Variants in BLTP2 observed in about 807,000 individuals in gnomAD.
BLTP2 encodes the protein bridge-like lipid transfer protein family member 2, also known as U937-associated antigen.
At chr17:28,634,768 C>T in the BLTP2 span, 9 of 1,614,036 alleles carry the variant, frequency 5.6e-6, no homozygotes, top group Non-Finnish European at 7.6e-6. Context: ...AATGTTTTTG[C>T]GTTCCAAAGA....
At chr17:28,645,133 C>G in the BLTP2 span, 2 of 1,239,390 alleles carry the variant, frequency 1.6e-6, no homozygotes, top group Non-Finnish European at 2.1e-6. Context: ...GCAGCACCGC[C>G]GCGGGCCGAC....
the BLTP2 span, chr17:28,642,467 C>T: frequency 7.0e-5 from 50 of 717,748 alleles, no homozygotes; most frequent in South Asian, 2.5e-4. Context: ...CTGACTAACA[C>T]GGTGAAACCT....
chr17:28,632,233 G>A, the BLTP2 span: 2 of 1,595,886 alleles, frequency 1.3e-6, no homozygotes, highest in African/African-American at 1.3e-5. Flanking sequence ...TCGGGGCTGG[G>A]ATATTGCTGC....
the BLTP2 span, chr17:28,640,371 C>A: frequency 1.7e-6 from 1 of 597,014 alleles, no homozygotes; most frequent in Non-Finnish European, 2.8e-6. Flanking sequence ...CCAGCCTGGG[C>A]AACAGAGCAA....
At chr17:28,633,412 C>T in the BLTP2 span, 1 of 1,608,492 alleles carries the variant, frequency 6.2e-7, no homozygotes, top group Non-Finnish European at 8.5e-7. Context: ...CTATGACCAC[C>T]CCCGAGAATT....
At chr17:28,624,656 G>A in the BLTP2 span, among the ~76,000 whole-genome samples, 4 of 151,844 alleles carry the variant, frequency 2.6e-5, no homozygotes, top group Non-Finnish European at 5.9e-5. Flanking sequence ...TTTCTCTTAG[G>A]TATTACTCTA....
the BLTP2 span, among the ~76,000 whole-genome samples, chr17:28,618,090 G>A: frequency 4.6e-5 from 7 of 151,496 alleles, no homozygotes; most frequent in African/African-American, 1.5e-4. Context: ...GCACCACCAC[G>A]CCTGGCTAAT....
At chr17:28,642,451 A>G in the BLTP2 span, 1 of 805,222 alleles carries the variant, frequency 1.2e-6, no homozygotes, top group East Asian at 2.5e-5. Flanking sequence ...GGAGATCAAG[A>G]CCATCCTGAC....
the BLTP2 span, among the ~76,000 whole-genome samples, chr17:28,623,157 A>T: frequency 7.9e-5 from 12 of 152,324 alleles, no homozygotes; most frequent in African/African-American, 2.6e-4. Flanking sequence ...TTAAAAAAAA[A>T]AATAAGAGTA....
chr17:28,638,388 A>T, the BLTP2 span: 4 of 1,614,176 alleles, frequency 2.5e-6, no homozygotes, highest in Non-Finnish European at 3.4e-6. Flanking sequence ...CCGCTGATGG[A>T]TGCTTTGTGG....
the BLTP2 span, chr17:28,639,647 A>C: frequency 6.2e-7 from 1 of 1,613,784 alleles, no homozygotes; most frequent in Non-Finnish European, 8.5e-7. Context: ...ACCCATCTGT[A>C]AGAGGCCAGA....
At chr17:28,624,924 T>G in the BLTP2 span, among the ~76,000 whole-genome samples, 1 of 152,204 alleles carries the variant, frequency 6.6e-6, no homozygotes, top group East Asian at 1.9e-4. Flanking sequence ...AGTGTATGGT[T>G]AAGAGCACAG....
the BLTP2 span, chr17:28,637,040 G>A: frequency 2.5e-6 from 4 of 1,614,174 alleles, no homozygotes; most frequent in East Asian, 2.2e-5. Flanking sequence ...GGATGTCAGG[G>A]GCCTTGCAAC....
chr17:28,631,857 A>G, the BLTP2 span: 4 of 1,614,202 alleles, frequency 2.5e-6, no homozygotes, highest in Non-Finnish European at 2.5e-6. Context: ...GAGTGAAGAC[A>G]TGGCCCTGAC....
chr17:28,621,099 T>C, the BLTP2 span: 1 of 1,614,226 alleles, frequency 6.2e-7, no homozygotes, highest in Non-Finnish European at 8.5e-7. Context: ...ATATAGTACA[T>C]TCGGCAGTTG....
the BLTP2 span, chr17:28,639,457 T>A: frequency 6.2e-7 from 1 of 1,611,924 alleles, no homozygotes; most frequent in South Asian, 1.1e-5. Flanking sequence ...TCAATGGTGG[T>A]CACCTGAAAT....
the BLTP2 span, chr17:28,641,807 G>A: frequency 3.7e-5 from 44 of 1,198,398 alleles, no homozygotes; most frequent in Middle Eastern, 1.4e-3. Context: ...ATCTAAATAA[G>A]CAGTGAGACC....
chr17:28,620,598 CATGGTGGATA>C, the BLTP2 span: 2 of 1,614,138 alleles, frequency 1.2e-6, no homozygotes, highest in Non-Finnish European at 1.7e-6. Context: ...ATTTCCAGCT[CATGGTGGATA>C]AGGGTGAAGG....
chr17:28,632,781 C>A, the BLTP2 span, among the ~76,000 whole-genome samples: 1 of 152,210 alleles, frequency 6.6e-6, no homozygotes, highest in Middle Eastern at 3.4e-3. Context: ...AAGACACCAA[C>A]CCTTTCCCCT....
Sources: gnomAD v4.1 joint callset for allele counts (sites outside exome capture counted in the v4.1 genomes callset) on GRCh38, gnomAD v4.1.1 for gene constraint, MANE v1.5 for transcripts, NCBI Gene and HGNC (gene_info 2026-07-23, HGNC 2026-07-21) for gene names.